HCN1: variants seen among roughly 807,000 people sequenced by gnomAD.
HCN1 encodes potassium/sodium hyperpolarization-activated cyclic nucleotide-gated channel 1.
A neutral mutation model predicts 78.9 loss-of-function variants in HCN1; 13 were observed. That is an observed-to-expected ratio of 0.16 (90% CI 0.11 to 0.26). The LOEUF (loss-of-function observed/expected upper bound fraction) is 0.26. Ranked by LOEUF, HCN1 falls within the 10% of genes least tolerant of loss-of-function variation. HCN1 has a pLI of 1.00. For missense variants in HCN1, 810 were observed against 1,154.3 expected (o/e 0.70, Z 4.32); for synonymous variants, 552 against 455.5 (o/e 1.21, Z -2.70).
At chr5:45,414,052 A>C (rs1740072677) in intron 3 of HCN1, among the ~76,000 whole-genome samples, 1 of 151,998 alleles carries the variant, frequency 6.6e-6, no homozygotes, top group Admixed American at 6.6e-5. Flanking sequence ...TTAATCAATT[A>C]GACCATGGGA....
chr5:45,406,175 A>C (rs546112594), intron 3 of HCN1, among the ~76,000 whole-genome samples: 4 of 152,304 alleles, frequency 2.6e-5, no homozygotes, highest in African/African-American at 9.6e-5. Context: ...GACATTACTT[A>C]AATACTGTAA....
chr5:45,478,525 C>T (rs1023073833), intron 2 of HCN1, among the ~76,000 whole-genome samples: 3 of 152,074 alleles, frequency 2.0e-5, no homozygotes, highest in Admixed American at 6.6e-5. Context: ...CACAGGTAGG[C>T]CTCATTTTTA....
At chr5:45,493,249 T>C (rs1741934614) in intron 2 of HCN1, among the ~76,000 whole-genome samples, 1 of 151,946 alleles carries the variant, frequency 6.6e-6, no homozygotes. Flanking sequence ...TATATAGATA[T>C]ATATATTCAC....
intron 2 of HCN1, among the ~76,000 whole-genome samples, chr5:45,547,281 A>C (rs1389158365): frequency 1.3e-5 from 2 of 151,984 alleles, no homozygotes; most frequent in African/African-American, 2.4e-5. Context: ...TGAGCAATGA[A>C]AGACAAGGAG....
At chr5:45,420,427 TCTGGAAA>T (rs1740203814) in intron 3 of HCN1, among the ~76,000 whole-genome samples, 1 of 152,190 alleles carries the variant, frequency 6.6e-6, no homozygotes, top group Admixed American at 6.5e-5. Context: ...GGATGGGGCC[TCTGGAAA>T]CATGTAAGGC....
chr5:45,491,470 C>G (rs79498246), intron 2 of HCN1, among the ~76,000 whole-genome samples: 1 of 152,012 alleles, frequency 6.6e-6, no homozygotes, highest in Non-Finnish European at 1.5e-5. Context: ...TTACCTTGTG[C>G]GCTCAAGTAT....
At chr5:45,597,084 G>A (rs911960799) in intron 2 of HCN1, among the ~76,000 whole-genome samples, 2 of 152,092 alleles carry the variant, frequency 1.3e-5, no homozygotes, top group Admixed American at 6.6e-5. Context: ...GCATCATCCT[G>A]ATACCAAAGC....
At chr5:45,431,206 C>T (rs146692121) in intron 3 of HCN1, among the ~76,000 whole-genome samples, 1 of 152,240 alleles carries the variant, frequency 6.6e-6, no homozygotes, top group Non-Finnish European at 1.5e-5. Context: ...ATGTTGAATA[C>T]TTTTTCATAT....
rs962781465 is a variant in HCN1, at chr5:45,256,131, G to A, written c.*5790C>T. The A allele has an allele frequency of 6.6e-6, 1 of 152,160 alleles. No homozygotes were observed. The allele number at this position is 152,160 out of a possible 1,614,324, so 9.4% of individuals were successfully genotyped here. On this transcript the variant is annotated 3_prime_UTR_variant, in exon 8 of 8. Transcript: ENST00000303230. ...CAGGCCTGTAATCCTAGCACTTCTG[G>A]AGGGTGAGGCGGGCGGATCACTTGA...
chr5:45,474,557 T>C (rs1741474005), intron 2 of HCN1, among the ~76,000 whole-genome samples: 2 of 151,910 alleles, frequency 1.3e-5, no homozygotes, highest in Non-Finnish European at 2.9e-5. Flanking sequence ...GATGCCACCA[T>C]CCTGGTTAAA....
intron 2 of HCN1, among the ~76,000 whole-genome samples, chr5:45,533,362 C>A (rs116567257): frequency 1.3e-5 from 2 of 152,066 alleles, no homozygotes; most frequent in Non-Finnish European, 2.9e-5. Flanking sequence ...TTTCTCTCTC[C>A]TCTGAGTTTA....
At position 45,262,342 on chromosome 5, in the gene HCN1, G is replaced by C. The variant is rs1052640717; in HGVS notation, c.2252C>G (p.Pro751Arg). 3 of 1,613,240 alleles carry C rather than the reference G, an allele frequency of 1.9e-6. No individual in the cohort carries two copies. The Admixed American group carries it at 5.0e-5, about 27-fold the overall frequency. Reference sequence around the variant, plus strand: ...GCCAGGTGTCTGTGGCTGCGGGGACGGCTGCTGTGGCTGAGTCTGCGGCGG... The same window carrying C: ...GCCAGGTGTCTGTGGCTGCGGGGACCGCTGCTGTGGCTGAGTCTGCGGCGG... ...SQPPQTQPQQ[P>R]SPQPQTPGSS... is the part of the protein sequence containing the mutation. Residue 751 changes from proline (P) to arginine (R), a missense_variant, in exon 8 of 8, where the codon CCG becomes CGG. Pro to Arg is a moderately radical substitution (Grantham distance 103, BLOSUM62 -2). This residue lies in a region of HCN1 where 398 missense variants were observed against 381.3 expected (regional missense o/e 1.04). Coordinates refer to ENST00000303230, the MANE Select transcript of HCN1 (RefSeq NM_021072.4).
intron 1 of HCN1, among the ~76,000 whole-genome samples, chr5:45,665,827 T>C (rs1297142144): frequency 6.6e-6 from 1 of 152,076 alleles, no homozygotes; most frequent in Non-Finnish European, 1.5e-5. Context: ...CAATTTAAAA[T>C]TGATGTAAAT....
rs1744600361 is a variant in HCN1, at chr5:45,255,871, A to G, written c.*6050T>C. 1.4e-5 allele frequency: 2 copies of G among 147,044 alleles called. No individual in the cohort carries two copies. The highest frequency in any genetic ancestry group is 7.1e-5 in the Admixed American group (1 of 14,168). The allele number at this position is 147,044 out of a possible 1,614,324, so 9.1% of individuals were successfully genotyped here. On this transcript the variant is annotated 3_prime_UTR_variant, in exon 8 of 8. Coordinates refer to ENST00000303230, the MANE Select transcript of HCN1 (RefSeq NM_021072.4). ...AATATTCTCTGTAGAAAACGATGCA[A>G]CCTGTTTTTTTGCAAAATTCCGTTA...
At position 45,271,565 on chromosome 5, in the gene HCN1, A is replaced by G. The variant is rs116536032; in HGVS notation, c.1619-4312T>C. On this transcript the variant is annotated intron_variant, in intron 6 of 7. Coordinates refer to ENST00000303230, the MANE Select transcript of HCN1 (RefSeq NM_021072.4). ...ATTTATCAGTGAAAAGTAAAACTCA[A>G]TTATGTCTCTAGAGTTTTATTGTCC... Among the ~76,000 whole-genome samples, 297 of 152,266 alleles carry G rather than the reference A, an allele frequency of 2.0e-3. 2 individuals are homozygous for G. The highest frequency in any genetic ancestry group is 6.8e-3 in the African/African-American group (282 of 41,570).
intron 2 of HCN1, among the ~76,000 whole-genome samples, chr5:45,589,847 A>G (rs1224517939): frequency 6.6e-6 from 1 of 152,172 alleles, no homozygotes; most frequent in Non-Finnish European, 1.5e-5. Flanking sequence ...ACAGTTAGAC[A>G]AGTTGTCTAA....
chr5:45,692,570 G>A (rs553429589), intron 1 of HCN1, among the ~76,000 whole-genome samples: 12 of 152,270 alleles, frequency 7.9e-5, no homozygotes, highest in African/African-American at 2.9e-4. Context: ...CTATTGGACT[G>A]CTTTTTACTC....
intron 1 of HCN1, among the ~76,000 whole-genome samples, chr5:45,684,502 T>C (rs1008724602): frequency 6.6e-6 from 1 of 152,158 alleles, no homozygotes; most frequent in African/African-American, 2.4e-5. Context: ...TTTTAAAAAA[T>C]ACTATTTAAA....
At position 45,545,755 on chromosome 5, in the gene HCN1, C is replaced by A. The variant is rs937372159; in HGVS notation, c.850-83748G>T. On this transcript the variant is annotated intron_variant, in intron 2 of 7. Coordinates refer to ENST00000303230, the MANE Select transcript of HCN1 (RefSeq NM_021072.4). The stretch of plus-strand genomic sequence containing the variant: ...TCAGGTTTGTCAAAGATCAGAGGTA[C>A]CTTCTGAATTTTTAACTCTTCACAA... Among the ~76,000 whole-genome samples the A allele has an allele frequency of 4.0e-5, 6 of 150,514 alleles. 1 individual carries two copies. The South Asian group carries it at 1.0e-3, about 26-fold the overall frequency.
Sources: allele counts gnomAD v4.1 joint callset (sites outside exome capture counted in the v4.1 genomes callset), GRCh38; gene constraint gnomAD v4.1.1; regional missense constraint gnomAD v4.1.1; transcripts MANE v1.5; gene names NCBI Gene and HGNC (gene_info 2026-07-23, HGNC 2026-07-21).